Variants in KDM7A observed in about 807,000 individuals in gnomAD.
KDM7A encodes lysine demethylase 7A, also known as lysine-specific demethylase 7A.
Under a neutral mutation model 114.8 loss-of-function variants are expected in KDM7A, and 28 were observed. The observed-to-expected ratio is 0.24, with a 90% CI of 0.18 to 0.33. The LOEUF is 0.33. KDM7A is among the 10% of genes least tolerant of loss of function. KDM7A has a pLI of 1.00. For missense variants in KDM7A, 942 were observed against 1,142.5 expected (o/e 0.82, Z 2.53); for synonymous variants, 423 against 397.8 (o/e 1.06, Z -0.75).
intron 1 of KDM7A, among the ~76,000 whole-genome samples, chr7:140,162,567 A>G (rs1331118704): frequency 6.7e-6 from 1 of 149,700 alleles, no homozygotes; most frequent in African/African-American, 2.5e-5. Flanking sequence ...AATGCAACTT[A>G]TAGCCCCAGT....
rs1279673332 is a variant in KDM7A, at chr7:140,142,015, AAT to A, written c.195-2827_195-2826del. On this transcript the variant is annotated intron_variant, in intron 1 of 19. Transcript: ENST00000397560. ...ATATCCATAAATGATATTTATATAT[AAT>A]ATATATTTATATATTAAAAAGATAT... Among the ~76,000 whole-genome samples, 6 of 134,888 alleles carry A rather than the reference AAT, an allele frequency of 4.4e-5. No homozygotes were observed. In the East Asian group the frequency reaches 9.7e-4, roughly 22 times the overall value. 88.5% of individuals were successfully genotyped at this position (134,888 alleles called of 152,430 possible).
intron 1 of KDM7A, among the ~76,000 whole-genome samples, chr7:140,173,734 A>G (rs866569263): frequency 3.3e-5 from 5 of 152,164 alleles, no homozygotes; most frequent in South Asian, 4.1e-4. Flanking sequence ...GAAGCAAATG[A>G]TATTTGTTTA....
At chr7:140,158,402 T>A (rs1794482509) in intron 1 of KDM7A, among the ~76,000 whole-genome samples, 1 of 152,134 alleles carries the variant, frequency 6.6e-6, no homozygotes, top group Non-Finnish European at 1.5e-5. Flanking sequence ...AATAATTTAG[T>A]GCAGATTATG....
intron 7 of KDM7A, among the ~76,000 whole-genome samples, chr7:140,123,364 T>C (rs941964726): frequency 2.0e-5 from 3 of 152,026 alleles, no homozygotes; most frequent in Admixed American, 6.6e-5. Flanking sequence ...AAAACATACC[T>C]CCACATAAAA....
At chr7:140,173,695 T>C (rs1249206971) in intron 1 of KDM7A, among the ~76,000 whole-genome samples, 1 of 152,116 alleles carries the variant, frequency 6.6e-6, no homozygotes, top group Non-Finnish European at 1.5e-5. Context: ...TAAAGATACA[T>C]CTTAGTCCTT....
intron 1 of KDM7A, among the ~76,000 whole-genome samples, chr7:140,149,892 T>C (rs985518641): frequency 3.3e-5 from 5 of 152,232 alleles, no homozygotes; most frequent in South Asian, 2.1e-4. Context: ...ATCTGTAATA[T>C]ATATCTGAAG....
In KDM7A at chr7:140,085,148, G is replaced by A. The variant is rs1349874941; in HGVS notation, c.*5946C>T. 2 of 152,290 alleles carry A rather than the reference G, an allele frequency of 1.3e-5. No individual in the cohort carries two copies. Among genetic ancestry groups the A allele is most frequent in the African/African-American group, 4.8e-5 (2 of 41,422 alleles). The allele number at this position is 152,290 out of a possible 1,614,324, so 9.4% of individuals were successfully genotyped here. On this transcript the variant is annotated 3_prime_UTR_variant, in exon 20 of 20. Transcript: ENST00000397560. ...CGCCATTGTCACACAGTGGGCTTCCGGACTGAAAGGACACACATGTCACAC... is the reference window on the plus strand; with the variant it reads ...CGCCATTGTCACACAGTGGGCTTCCAGACTGAAAGGACACACATGTCACAC...
chr7:140,149,357 C>G (rs989311973), intron 1 of KDM7A, among the ~76,000 whole-genome samples: 2 of 152,126 alleles, frequency 1.3e-5, no homozygotes, highest in Non-Finnish European at 1.5e-5. Flanking sequence ...TCTTTACTGC[C>G]TGACATCTTG....
At chr7:140,164,880 G>A (rs369776447) in intron 1 of KDM7A, among the ~76,000 whole-genome samples, 2 of 152,024 alleles carry the variant, frequency 1.3e-5, no homozygotes, top group Non-Finnish European at 2.9e-5. Context: ...GATACTATTC[G>A]GTCTACTTCT....
chr7:140,104,073 AT>A (rs1391865234), intron 11 of KDM7A, among the ~76,000 whole-genome samples: 9 of 152,084 alleles, frequency 5.9e-5, no homozygotes, highest in Non-Finnish European at 1.2e-4. Flanking sequence ...GATGATGAGC[AT>A]TTTTTCATGT....
At chr7:140,119,334 T>C in intron 8 of KDM7A, 115 bp from the exon 9 acceptor site, 1 of 527,632 alleles carries the variant, frequency 1.9e-6, no homozygotes, top group South Asian at 3.3e-5. Context: ...AATAAAGTAT[T>C]TTACATTTCT....
At chr7:140,145,239 G>A (rs967079544) in intron 1 of KDM7A, among the ~76,000 whole-genome samples, 10 of 152,124 alleles carry the variant, frequency 6.6e-5, no homozygotes, top group Non-Finnish European at 1.5e-4. Context: ...TGTAGGTAAA[G>A]ACCAGAAAAG....
intron 9 of KDM7A, among the ~76,000 whole-genome samples, chr7:140,115,363 TGTG>T (rs1449670088): frequency 6.6e-6 from 1 of 152,004 alleles, no homozygotes; most frequent in Non-Finnish European, 1.5e-5. Flanking sequence ...AAGGGGAAAA[TGTG>T]GGGAAAAGAG....
At chr7:140,162,264 G>A (rs1467525766) in intron 1 of KDM7A, among the ~76,000 whole-genome samples, 1 of 151,858 alleles carries the variant, frequency 6.6e-6, no homozygotes, top group Non-Finnish European at 1.5e-5. Context: ...AAACCCAGGA[G>A]GCGGAAGTTG....
At chr7:140,115,317 G>A (rs961871935) in intron 9 of KDM7A, among the ~76,000 whole-genome samples, 10 of 152,334 alleles carry the variant, frequency 6.6e-5, no homozygotes, top group East Asian at 1.9e-4. Context: ...CATTGAGATC[G>A]GGCCATGATG....
chr7:140,122,593 G>A (rs1411361871), intron 7 of KDM7A, among the ~76,000 whole-genome samples: 1 of 152,204 alleles, frequency 6.6e-6, no homozygotes, highest in Non-Finnish European at 1.5e-5. Context: ...TGCAGGGACA[G>A]ATCCCTGTGA....
In KDM7A at chr7:140,115,868, AT is replaced by A. The variant is rs35486080; in HGVS notation, c.1247-2287del. 3.7e-4 allele frequency among the ~76,000 whole-genome samples: 29 copies of A among 78,118 alleles called. 1 individual carries two copies. The East Asian group carries it at 4.1e-3, about 11-fold the overall frequency. The allele number at this position is 78,118 out of a possible 152,430, so 51.2% of individuals were successfully genotyped here. ...AGTACAAGAAAAGTAAAAAAAAAAA[AT>A]AAATGTCATACAATATTTTTATCAT... On this transcript the variant is annotated intron_variant, in intron 9 of 19. Transcript: ENST00000397560.
chr7:140,101,491 C>T (rs181513198), intron 12 of KDM7A, among the ~76,000 whole-genome samples: 48 of 152,310 alleles, frequency 3.2e-4, no homozygotes, highest in Non-Finnish European at 5.0e-4. Context: ...CTCTGACCAC[C>T]TTAGCTAAAG....
intron 1 of KDM7A, among the ~76,000 whole-genome samples, chr7:140,158,124 A>C (rs921338360): frequency 2.0e-5 from 3 of 152,184 alleles, no homozygotes; most frequent in African/African-American, 7.2e-5. Context: ...GAAGTACTTC[A>C]GGAACTATTT....
Sources: gnomAD v4.1 joint callset for allele counts (sites outside exome capture counted in the v4.1 genomes callset) on GRCh38, gnomAD v4.1.1 for gene constraint, MANE v1.5 for transcripts, NCBI Gene and HGNC (gene_info 2026-07-23, HGNC 2026-07-21) for gene names.